Variants in ANKRD36C observed in about 807,000 individuals in gnomAD.
ANKRD36C encodes the protein ankyrin repeat domain 36C, also known as ankyrin repeat domain-containing protein 36C.
In ANKRD36C, 61 loss-of-function variants were observed where a neutral mutation model predicts 276.4. The ratio of observed to expected loss-of-function variants is 0.22; its 90% CI spans 0.18 to 0.27. The LOEUF is 0.27. Ranked by LOEUF, ANKRD36C falls within the 10% of genes least tolerant of loss-of-function variation. ANKRD36C has a pLI of 1.00. For missense variants in ANKRD36C, 1,447 were observed against 2,032.3 expected (o/e 0.71, Z 5.54); for synonymous variants, 483 against 680.1 (o/e 0.71, Z 4.51).
At chr2:95,891,772 A>G (rs771914344) in intron 45 of ANKRD36C, 35 bp from the exon 66 acceptor site, 29 of 1,562,486 alleles carry the variant, frequency 1.9e-5, no homozygotes, top group Non-Finnish European at 2.3e-5. Context: ...ATAAATTAAT[A>G]AAGTATGTTT....
At chr2:95,893,139 G>A (rs1000812922) in intron 44 of ANKRD36C, among the ~76,000 whole-genome samples, 1 of 151,276 alleles carries the variant, frequency 6.6e-6, no homozygotes, top group African/African-American at 2.4e-5. Flanking sequence ...CCTACAGTGT[G>A]TACGGGTTAT....
At chr2:95,984,953 G>C (rs1360107785) in intron 3 of ANKRD36C, among the ~76,000 whole-genome samples, 24 of 152,018 alleles carry the variant, frequency 1.6e-4, no homozygotes, top group Non-Finnish European at 4.4e-5. Flanking sequence ...ACATTTCTAG[G>C]TACTTAACTG....
At chr2:95,942,281 A>G (rs539722782) in intron 19 of ANKRD36C, among the ~76,000 whole-genome samples, 11 of 137,478 alleles carry the variant, frequency 8.0e-5, no homozygotes, top group Middle Eastern at 3.8e-3. Flanking sequence ...AAAACAAAAT[A>G]TGGGATTCAA....
At chr2:95,887,299 T>C (rs1306098302) in intron 50 of ANKRD36C, among the ~76,000 whole-genome samples, 1 of 151,494 alleles carries the variant, frequency 6.6e-6, no homozygotes, top group Non-Finnish European at 1.5e-5. Flanking sequence ...ATCCCAATTC[T>C]AGCATTATCT....
At chr2:95,863,985 A>G (rs1021950225) in intron 60 of ANKRD36C, among the ~76,000 whole-genome samples, 1 of 152,014 alleles carries the variant, frequency 6.6e-6, no homozygotes, top group Non-Finnish European at 1.5e-5. Flanking sequence ...GGTGATTGTG[A>G]TGTGTCAATT....
In ANKRD36C at chr2:95,914,103, A is replaced by T; in HGVS notation, c.2551+5T>A. 1 of 1,560,638 alleles carries T rather than the reference A, an allele frequency of 6.4e-7. No homozygotes were observed. Among genetic ancestry groups the T allele is most frequent in the Non-Finnish European group, 8.7e-7 (1 of 1,150,202 alleles). ...TCATGACATTAAATCTCTTTTCAAA[A>T]TTACCTCTCCTAGTTTTTTCTCCAT... On this transcript the variant is annotated splice_donor_5th_base_variant and intron_variant, in intron 40 of 66. Coordinates refer to ENST00000456556, the Ensembl canonical transcript of ANKRD36C.
At chr2:95,865,410 G>T (rs1326229251) in intron 60 of ANKRD36C, among the ~76,000 whole-genome samples, 1 of 151,930 alleles carries the variant, frequency 6.6e-6, no homozygotes. Context: ...ACAGAACAAA[G>T]AACAAAATTG....
At chr2:95,850,272 T>A (rs1266639469), downstream of ANKRD36C, among the ~76,000 whole-genome samples, 3 of 152,282 alleles carry the variant, frequency 2.0e-5, no homozygotes, top group Non-Finnish European at 4.4e-5. Flanking sequence ...AAGATAAAGA[T>A]GATACAGTCC....
At chr2:95,930,273 A>G (rs1458839009) in intron 24 of ANKRD36C, among the ~76,000 whole-genome samples, 2 of 151,480 alleles carry the variant, frequency 1.3e-5, no homozygotes. Context: ...CTGGTGCCCA[A>G]TGGTAACAAA....
At chr2:95,911,848 G>A (rs1450560696) in intron 42 of ANKRD36C, among the ~76,000 whole-genome samples, 1 of 151,404 alleles carries the variant, frequency 6.6e-6, no homozygotes, top group Non-Finnish European at 1.5e-5. Context: ...CTTCTACAGT[G>A]TCTATGGGTT....
chr2:95,925,103 T>C (rs1352038614), intron 30 of ANKRD36C, among the ~76,000 whole-genome samples: 2 of 151,616 alleles, frequency 1.3e-5, no homozygotes, highest in African/African-American at 4.8e-5. Context: ...GATCCTCTTA[T>C]GTCTTGAACT....
intron 62 of ANKRD36C, 92 bp from the exon 83 acceptor site, chr2:95,856,272 A>G: frequency 1.3e-6 from 2 of 1,579,158 alleles, no homozygotes; most frequent in Non-Finnish European, 1.7e-6. Flanking sequence ...GAACATTTAT[A>G]CAATGAGAGG....
intron 18 of ANKRD36C, 30 bp from the exon 19 acceptor site, chr2:95,944,724 G>T: frequency 6.5e-7 from 1 of 1,532,934 alleles, no homozygotes; most frequent in Non-Finnish European, 8.7e-7. Context: ...AAGAGTAGAT[G>T]AAATGCATGT....
chr2:95,855,182 G>A lies in ANKRD36C; in HGVS notation c.4995+84C>T, dbSNP rs747743375. The A allele has an allele frequency of 3.3e-4, 480 of 1,460,468 alleles. 3 individuals are homozygous for A. In the Middle Eastern group the frequency reaches 5.2e-3, roughly 16 times the overall value. 90.5% of individuals were successfully genotyped at this position (1,460,468 alleles called of 1,614,324 possible). The stretch of plus-strand genomic sequence containing the variant: ...ATGTATCCTTTTTTATATTCAACTA[G>A]ATCCAACATTCAGCTGTAACCAAAT... On this transcript the variant is annotated intron_variant, in intron 63 of 66. Coordinates refer to ENST00000456556, the Ensembl canonical transcript of ANKRD36C.
At chr2:95,964,551 G>A (rs1164716904) in intron 6 of ANKRD36C, among the ~76,000 whole-genome samples, 1 of 152,002 alleles carries the variant, frequency 6.6e-6, no homozygotes, top group East Asian at 1.9e-4. Flanking sequence ...GTGAAGATAA[G>A]GTTTTGCTTT....
At chr2:95,989,445 T>G (rs1206797300) in intron 1 of ANKRD36C, among the ~76,000 whole-genome samples, 1 of 152,026 alleles carries the variant, frequency 6.6e-6, no homozygotes, top group Admixed American at 6.5e-5. Flanking sequence ...CAAACCAACT[T>G]TTTTTCAGAG....
rs746610061 is a variant in ANKRD36C, at chr2:95,891,650, T to A, written c.2857+15A>T. 2.3e-5 allele frequency: 35 copies of A among 1,549,420 alleles called. No individual in the cohort carries two copies. Among genetic ancestry groups the A allele is most frequent in the Non-Finnish European group, 2.9e-5 (33 of 1,145,974 alleles). ...TCTGCACTGAACATGACATTAAATC[T>A]CTTTTCAAAATTACCTCTCCTAGTT... On this transcript the variant is annotated intron_variant, in intron 46 of 66. Coordinates refer to ENST00000456556, the Ensembl canonical transcript of ANKRD36C.
chr2:95,897,512 A>C (rs1273398647), intron 44 of ANKRD36C, 47 bp from the exon 59 acceptor site: 21 of 1,516,844 alleles, frequency 1.4e-5, no homozygotes, highest in Non-Finnish European at 1.8e-5. Context: ...AAAAATGACA[A>C]AATTATCCAC....
At chr2:95,938,557 CA>C (rs1004027125) in intron 22 of ANKRD36C, among the ~76,000 whole-genome samples, 1 of 152,126 alleles carries the variant, frequency 6.6e-6, no homozygotes, top group African/African-American at 2.4e-5. Context: ...TACACCTACT[CA>C]AATCCCTAAC....
Sources: gnomAD v4.1 joint callset for allele counts (sites outside exome capture counted in the v4.1 genomes callset) on GRCh38, gnomAD v4.1.1 for gene constraint, MANE v1.5 for transcripts, NCBI Gene and HGNC (gene_info 2026-07-23, HGNC 2026-07-21) for gene names.